Variants in AGAP1 observed in about 807,000 individuals in gnomAD.
AGAP1 encodes the protein arf-GAP with GTPase, ANK repeat and PH domain-containing protein 1.
A neutral mutation model predicts 105.3 loss-of-function variants in AGAP1; 29 were observed. The ratio of observed to expected loss-of-function variants is 0.28; its 90% CI spans 0.21 to 0.38. The LOEUF is 0.38. Ranked by LOEUF, AGAP1 falls within the 10% of genes least tolerant of loss-of-function variation. The pLI is 1.00. For synonymous variants in AGAP1, 509 were observed against 485.9 expected, an observed-to-expected ratio of 1.05 and a Z score of -0.63; for missense variants, 998 against 1,165.1, an observed-to-expected ratio of 0.86 and a Z score of 2.09.
intron 12 of AGAP1, among the ~76,000 whole-genome samples, chr2:235,954,601 C>G (rs2053872357): frequency 6.6e-6 from 1 of 150,394 alleles, no homozygotes; most frequent in African/African-American, 2.5e-5. Context: ...TCTGGAAAAG[C>G]TGGGGGCCCT....
At position 235,662,190 on chromosome 2, in the gene AGAP1, G is replaced by C. The variant is rs1444965783; in HGVS notation, c.164-46989G>C. Among the ~76,000 whole-genome samples, 3 of 152,180 alleles carry C rather than the reference G, an allele frequency of 2.0e-5. No homozygotes were observed. Among genetic ancestry groups the C allele is most frequent in the African/African-American group, 7.2e-5 (3 of 41,448 alleles). On this transcript the variant is annotated intron_variant, in intron 1 of 17. Transcript: ENST00000304032. The surrounding 1 kb of genome is among the most constrained non-coding windows in gnomAD (Gnocchi z 4.2). Reference sequence around the variant, plus strand: ...CTGTAAGGCCGTGACCAGGAAAAAAGGGACCCAGGGTGGTGGCACATGAAT... The same window carrying C: ...CTGTAAGGCCGTGACCAGGAAAAAACGGACCCAGGGTGGTGGCACATGAAT...
chr2:236,004,579 A>G (rs1014402269), intron 13 of AGAP1, among the ~76,000 whole-genome samples: 1 of 152,240 alleles, frequency 6.6e-6, no homozygotes, highest in Non-Finnish European at 1.5e-5. Flanking sequence ...CCACAATTCC[A>G]AATAAAATAT....
chr2:235,852,937 C>T (rs1457149787), intron 9 of AGAP1: 2 of 1,288,196 alleles, frequency 1.6e-6, no homozygotes, highest in African/African-American at 3.0e-5. Flanking sequence ...CAGCGCATCT[C>T]TGATAGACCT....
rs762090814 is a variant in AGAP1 at position 235,723,802 on chromosome 2, G to GTTGGTCGA, written c.310+6159_310+6160insTGGTCGAT. 3.4e-4 allele frequency among the ~76,000 whole-genome samples: 52 copies of GTTGGTCGA among 151,790 alleles called. No homozygotes were observed. Among genetic ancestry groups the GTTGGTCGA allele is most frequent in the Non-Finnish European group, 4.4e-4 (30 of 68,014 alleles). ...GGTTGGTTGGTTGGTTGGTTGGTTG[G>GTTGGTCGA]TCGATCGACAGAGACTTAAGAATGT... On this transcript the variant is annotated intron_variant, in intron 3 of 17. Transcript: ENST00000304032. This position sits in a 1 kb window ranked among gnomAD's most constrained non-coding sequence, Gnocchi z 6.2.
rs1183850039 is a variant in AGAP1, at chr2:235,672,450, T to C, written c.164-36729T>C. Among the ~76,000 whole-genome samples, 4 of 152,338 alleles carry C rather than the reference T, an allele frequency of 2.6e-5. No homozygotes were observed. The East Asian group carries it at 7.7e-4, about 29-fold the overall frequency. On this transcript the variant is annotated intron_variant, in intron 1 of 17. Coordinates refer to ENST00000304032, the MANE Select transcript of AGAP1 (RefSeq NM_001037131.3). ...CTTATGTTTAGCTTGTCATGGCACA[T>C]CTAGTTTTAACCTCCCTTGGAGCAC...
At chr2:235,829,942 C>G (rs1184573097) in intron 9 of AGAP1, among the ~76,000 whole-genome samples, 2 of 152,084 alleles carry the variant, frequency 1.3e-5, no homozygotes, top group African/African-American at 4.8e-5. Context: ...CAAGTAGTCT[C>G]TGGGGACCGG....
intron 6 of AGAP1, among the ~76,000 whole-genome samples, chr2:235,763,341 TG>T (rs1954628988): frequency 6.6e-6 from 1 of 152,290 alleles, no homozygotes; most frequent in South Asian, 2.1e-4. Context: ...CCAAGCATTT[TG>T]GACAAGAGAT....
chr2:236,127,813 C>T lies in AGAP1; in HGVS notation c.*3691C>T, dbSNP rs956801398. 6.6e-6 allele frequency: 1 copy of T among 152,234 alleles called. No individual in the cohort carries two copies. The highest frequency in any genetic ancestry group is 1.5e-5 in the Non-Finnish European group (1 of 68,066). The allele number at this position is 152,234 out of a possible 1,614,324, so 9.4% of individuals were successfully genotyped here. ...GCCCTGCCATCCTTCCAGAGGATTC[C>T]TCTGCAACTCTAGGCAAGCACCCAG... On this transcript the variant is annotated 3_prime_UTR_variant, in exon 18 of 18. Coordinates refer to ENST00000304032, the MANE Select transcript of AGAP1 (RefSeq NM_001037131.3). The surrounding 1 kb of genome is among the most constrained non-coding windows in gnomAD (Gnocchi z 6.6).
intron 9 of AGAP1, among the ~76,000 whole-genome samples, chr2:235,844,816 T>A (rs946274312): frequency 6.6e-6 from 1 of 152,276 alleles, no homozygotes; most frequent in East Asian, 1.9e-4. Context: ...CCCTCAGAAG[T>A]CTTCCTGGCT....
rs368932009 is a variant in AGAP1 at position 235,691,342 on chromosome 2, G to A, written c.164-17837G>A. 6.6e-6 allele frequency among the ~76,000 whole-genome samples: 1 copy of A among 152,252 alleles called. No homozygotes were observed. Among genetic ancestry groups the A allele is most frequent in the East Asian group, 1.9e-4 (1 of 5,198 alleles). ...TTGGTGGCAAGTTAGAAAGGCACACGTTGGTAATGGCCAATGGTTGCCAGT... is the reference window on the plus strand; with the variant it reads ...TTGGTGGCAAGTTAGAAAGGCACACATTGGTAATGGCCAATGGTTGCCAGT... On this transcript the variant is annotated intron_variant, in intron 1 of 17. Transcript: ENST00000304032. This position sits in a 1 kb window ranked among gnomAD's most constrained non-coding sequence, Gnocchi z 4.4.
At chr2:235,922,706 T>G (rs1368899455) in intron 11 of AGAP1, among the ~76,000 whole-genome samples, 1 of 152,230 alleles carries the variant, frequency 6.6e-6, no homozygotes, top group Non-Finnish European at 1.5e-5. Flanking sequence ...TTTGATGTCA[T>G]TTGGTGGATG....
rs1559711387 is a variant in AGAP1, at chr2:235,971,744, TA to T, written c.1645+3122del. Among the ~76,000 whole-genome samples, 4 of 98,094 alleles carry T rather than the reference TA, an allele frequency of 4.1e-5. No individual in the cohort carries two copies. The highest frequency in any genetic ancestry group is 1.4e-4 in the African/African-American group (4 of 28,246). 64.4% of individuals were successfully genotyped at this position (98,094 alleles called of 152,430 possible). On this transcript the variant is annotated intron_variant, in intron 13 of 17. Coordinates refer to ENST00000304032, the MANE Select transcript of AGAP1 (RefSeq NM_001037131.3). The surrounding 1 kb of genome is among the most constrained non-coding windows in gnomAD (Gnocchi z 4.8). Reference sequence around the variant, plus strand: ...AAAGCTAGTTATATATGTTTTATTTTATTTATTTATTTATTTATTTATTTAT... The same window carrying T: ...AAAGCTAGTTATATATGTTTTATTTTTTTATTTATTTATTTATTTATTTAT...
rs1275247948 is a variant in AGAP1, at chr2:235,609,886, C to G, written c.164-99293C>G. Among the ~76,000 whole-genome samples the G allele has an allele frequency of 6.6e-6, 1 of 152,064 alleles. No homozygotes were observed. The highest frequency in any genetic ancestry group is 2.4e-5 in the African/African-American group (1 of 41,400). On this transcript the variant is annotated intron_variant, in intron 1 of 17. Transcript: ENST00000304032. This position sits in a 1 kb window ranked among gnomAD's most constrained non-coding sequence, Gnocchi z 5.1. The stretch of plus-strand genomic sequence containing the variant: ...AGAGGTTGGTAAATGGAGTCTTGCT[C>G]GCCAGGTGCATGAGGTGAAGTCACT...
intron 13 of AGAP1, among the ~76,000 whole-genome samples, chr2:236,013,617 A>G (rs1185005644): frequency 2.6e-5 from 4 of 152,148 alleles, no homozygotes; most frequent in Non-Finnish European, 2.9e-5. Flanking sequence ...GCTCACCTGC[A>G]TTAAACAAAC....
At chr2:235,954,808 T>C (rs1427851322) in intron 12 of AGAP1, among the ~76,000 whole-genome samples, 2 of 151,990 alleles carry the variant, frequency 1.3e-5, no homozygotes, top group Non-Finnish European at 2.9e-5. Context: ...CTAAGCTCTT[T>C]AGGGCAGGAG....
rs1273527470 is a variant in AGAP1 at position 235,549,375 on chromosome 2, C to T, written c.163+54526C>T. The stretch of plus-strand genomic sequence containing the variant: ...GCAGGGTTGCAGACTGCTTAAGCCT[C>T]CTCCTGTCAGAGGACCCCAGAGAGC... On this transcript the variant is annotated intron_variant, in intron 1 of 17. Transcript: ENST00000304032. This position sits in a 1 kb window ranked among gnomAD's most constrained non-coding sequence, Gnocchi z 4.2. Among the ~76,000 whole-genome samples the T allele has an allele frequency of 6.6e-6, 1 of 152,118 alleles. No homozygotes were observed. The highest frequency in any genetic ancestry group is 1.5e-5 in the Non-Finnish European group (1 of 68,030).
rs2050140050 is a variant in AGAP1, at chr2:235,883,706, G to A, written c.1155+257G>A. 6.6e-6 allele frequency among the ~76,000 whole-genome samples: 1 copy of A among 152,218 alleles called. No individual in the cohort carries two copies. Among genetic ancestry groups the A allele is most frequent in the Non-Finnish European group, 1.5e-5 (1 of 68,034 alleles). On this transcript the variant is annotated intron_variant, in intron 10 of 17. Transcript: ENST00000304032. This position sits in a 1 kb window ranked among gnomAD's most constrained non-coding sequence, Gnocchi z 4.5. The stretch of plus-strand genomic sequence containing the variant: ...AAGAATTACAATAAAAGGCACAGAT[G>A]AAGTAAAATTTTAGATGAGAGTAAA...
intron 8 of AGAP1, among the ~76,000 whole-genome samples, chr2:235,803,482 G>A (rs1311618943): frequency 6.6e-6 from 1 of 152,242 alleles, no homozygotes; most frequent in African/African-American, 2.4e-5. Context: ...GAGGACAGAT[G>A]CATGATATGC....
intron 1 of AGAP1, among the ~76,000 whole-genome samples, chr2:235,605,290 G>C (rs567762367): frequency 6.6e-6 from 1 of 152,136 alleles, no homozygotes; most frequent in Non-Finnish European, 1.5e-5. Context: ...TGCATTTCAC[G>C]CCCCTCATCT....
Sources: allele counts gnomAD v4.1 joint callset (sites outside exome capture counted in the v4.1 genomes callset), GRCh38; gene constraint gnomAD v4.1.1; non-coding constraint Gnocchi (gnomAD v3.1); transcripts MANE v1.5; gene names NCBI Gene and HGNC (gene_info 2026-07-23, HGNC 2026-07-21).